Variants in CCDC181 observed in about 807,000 individuals in gnomAD.
CCDC181 encodes the protein coiled-coil domain-containing protein 181.
In CCDC181, 35 loss-of-function variants were observed where a neutral mutation model predicts 58.7. That is an observed-to-expected ratio of 0.60 (90% CI 0.46 to 0.79). The LOEUF is 0.79. Among genes scored for constraint, CCDC181 ranks in the 30% least tolerant of loss-of-function variants. CCDC181 has a pLI of 0.00. For missense variants in CCDC181, 517 were observed against 583.9 expected (o/e 0.89, Z 1.18); for synonymous variants, 183 against 197.5 (o/e 0.93, Z 0.62).
At chr1:169,415,978 G>C (rs945572388) in intron 4 of CCDC181, among the ~76,000 whole-genome samples, 3 of 152,104 alleles carry the variant, frequency 2.0e-5, no homozygotes, top group Admixed American at 6.5e-5. Context: ...TCTTCATCTG[G>C]ATATTTTGTG....
chr1:169,451,166 T>C (rs1657525474), intron 2 of CCDC181: 1 of 152,084 alleles, frequency 6.6e-6, no homozygotes, highest in African/African-American at 2.4e-5. Flanking sequence ...AAGAAGTTTT[T>C]TTCTTTATGG....
chr1:169,426,654 G>A (rs538133220), intron 1 of CCDC181, among the ~76,000 whole-genome samples: 1 of 152,232 alleles, frequency 6.6e-6, no homozygotes, highest in South Asian at 2.1e-4. Context: ...ATCTTACAGC[G>A]TTTTAAACAT....
In CCDC181 at chr1:169,424,852, A is replaced by T; in HGVS notation, c.76T>A (p.Leu26Ile). The change falls in exon 2 of 6, where the codon TTA (leucine) becomes ATA (isoleucine). Residue 26 changes from leucine to isoleucine, a missense_variant. Transcript: ENST00000367806. ...EDDFEKDLEW[L>I]INENEKSDAS... Reference sequence around the variant, plus strand: ...TCACTTTTTTCATTTTCATTAATTAACCACTCCAGGTCCTTTTCAAAGTCA... The same window carrying T: ...TCACTTTTTTCATTTTCATTAATTATCCACTCCAGGTCCTTTTCAAAGTCA... 1 of 1,606,366 alleles carries T rather than the reference A, an allele frequency of 6.2e-7. No individual in the cohort carries two copies. The highest frequency in any genetic ancestry group is 8.5e-7 in the Non-Finnish European group (1 of 1,174,622).
At chr1:169,410,161 T>C (rs1655885743) in intron 4 of CCDC181, among the ~76,000 whole-genome samples, 2 of 135,230 alleles carry the variant, frequency 1.5e-5, no homozygotes, top group Admixed American at 8.0e-5. Flanking sequence ...GAGACACACA[T>C]AGGCTCAAAA....
intron 2 of CCDC181, among the ~76,000 whole-genome samples, chr1:169,458,335 G>T (rs893522588): frequency 3.3e-5 from 5 of 151,990 alleles, no homozygotes; most frequent in South Asian, 4.2e-4. Context: ...GTTATTCAAA[G>T]GGATTGTACC....
At chr1:169,403,401 T>C (rs1240629343) in intron 4 of CCDC181, among the ~76,000 whole-genome samples, 1 of 152,188 alleles carries the variant, frequency 6.6e-6, no homozygotes, top group Non-Finnish European at 1.5e-5. Context: ...ATTGACCACA[T>C]AGGTGAAAGT....
Position 169,422,113 on chromosome 1 carries a change from T to C in CCDC181, c.318A>G (p.Glu106=), listed in dbSNP as rs1452013561. Residue 106 remains glutamate (E), a synonymous_variant, in exon 3 of 6, where the codon GAA becomes GAG. Coordinates refer to ENST00000367806, the MANE Select transcript of CCDC181 (RefSeq NM_001300969.2). ...SDSDSENSFQ[E]SKLESQKDLE... ...AGTCTTTCTGGCTTTCTAGTTTGGA[T>C]TCCTGGAAAGAGTTTTCACTATCTG... 1.2e-6 allele frequency: 2 copies of C among 1,613,498 alleles called. No homozygotes were observed. Among genetic ancestry groups the C allele is most frequent in the Non-Finnish European group, 1.7e-6 (2 of 1,179,618 alleles).
At chr1:169,447,458 A>G (rs1657408717) in intron 2 of CCDC181, among the ~76,000 whole-genome samples, 1 of 152,204 alleles carries the variant, frequency 6.6e-6, no homozygotes, top group Admixed American at 6.6e-5. Flanking sequence ...ACCTATTTTA[A>G]TACATATCTA....
intron 4 of CCDC181, among the ~76,000 whole-genome samples, chr1:169,398,172 T>C (rs867044426): frequency 2.6e-5 from 4 of 152,178 alleles, no homozygotes; most frequent in Non-Finnish European, 4.4e-5. Flanking sequence ...TCGGGAGTTA[T>C]AGATCAAAAG....
intron 2 of CCDC181, among the ~76,000 whole-genome samples, chr1:169,435,936 C>T (rs2101743106): frequency 6.6e-6 from 1 of 152,246 alleles, no homozygotes; most frequent in South Asian, 2.1e-4. Context: ...GTGTAAAAAT[C>T]ATAATAACAT....
chr1:169,422,288 A>C lies in CCDC181; in HGVS notation c.143T>G (p.Ile48Ser). ...CTCATTCTCTTTTAAGTCTTGGTTA[A>C]TATTCTCTTCCTTCTCACAAGCCAT... ...IEMACEKEEN[I>S]NQDLKENETV... The change falls in exon 3 of 6, where the codon ATT (isoleucine) becomes AGT (serine). Residue 48 changes from isoleucine to serine, a missense_variant. Coordinates refer to ENST00000367806, the MANE Select transcript of CCDC181 (RefSeq NM_001300969.2). 6.4e-7 allele frequency: 1 copy of C among 1,571,682 alleles called. No individual in the cohort carries two copies. Among genetic ancestry groups the C allele is most frequent in the Non-Finnish European group, 8.7e-7 (1 of 1,151,610 alleles).
chr1:169,422,393 A>G (rs573310543), intron 2 of CCDC181, 80 bp from the exon 3 acceptor site: 89 of 1,031,550 alleles, frequency 8.6e-5, no homozygotes, highest in African/African-American at 2.6e-4. Context: ...TTTCCTGTTC[A>G]TGTAATTTAT....
chr1:169,422,397 A>C (rs1241480273), intron 2 of CCDC181, 84 bp from the exon 3 acceptor site: 1 of 987,222 alleles, frequency 1.0e-6, no homozygotes, highest in Non-Finnish European at 1.4e-6. Context: ...CTGTTCATGT[A>C]ATTTATTTTA....
At chr1:169,423,086 CTT>C (rs914258327) in intron 2 of CCDC181, among the ~76,000 whole-genome samples, 3 of 130,974 alleles carry the variant, frequency 2.3e-5, no homozygotes, top group Non-Finnish European at 5.3e-5. Context: ...TATTTTTTCT[CTT>C]TGTCAAAGTT....
At chr1:169,412,042 G>A (rs1046003245) in intron 4 of CCDC181, among the ~76,000 whole-genome samples, 4 of 152,310 alleles carry the variant, frequency 2.6e-5, no homozygotes, top group Admixed American at 1.3e-4. Flanking sequence ...AATCAGGCAA[G>A]AGAAAGAAAT....
intron 4 of CCDC181, among the ~76,000 whole-genome samples, chr1:169,402,849 GAC>G (rs1209005452): frequency 1.3e-5 from 2 of 152,168 alleles, no homozygotes; most frequent in Non-Finnish European, 2.9e-5. Flanking sequence ...CCAATTAAAA[GAC>G]ACAGACTGGC....
chr1:169,453,142 CA>C (rs1200800691), intron 2 of CCDC181, among the ~76,000 whole-genome samples: 1 of 151,684 alleles, frequency 6.6e-6, no homozygotes, highest in Non-Finnish European at 1.5e-5. Context: ...CACTCTTTTA[CA>C]GTAGATTCCT....
At chr1:169,428,703 T>C (rs1656815318), upstream of CCDC181, among the ~76,000 whole-genome samples, 2 of 152,206 alleles carry the variant, frequency 1.3e-5, no homozygotes, top group African/African-American at 4.8e-5. Flanking sequence ...TCACCCAGGC[T>C]GGAGTGAAGT....
At chr1:169,433,165 T>G (rs1656964402) in intron 2 of CCDC181, among the ~76,000 whole-genome samples, 1 of 151,958 alleles carries the variant, frequency 6.6e-6, no homozygotes, top group Non-Finnish European at 1.5e-5. Context: ...GCACATAAAG[T>G]CAGTTGTATT....
Sources: gnomAD v4.1 joint callset for allele counts (sites outside exome capture counted in the v4.1 genomes callset) on GRCh38, gnomAD v4.1.1 for gene constraint, MANE v1.5 for transcripts, NCBI Gene and HGNC (gene_info 2026-07-23, HGNC 2026-07-21) for gene names.